IFFO1: variants seen among roughly 807,000 people sequenced by gnomAD.
IFFO1 encodes the protein intermediate filament family orphan 1.
In IFFO1, 42 loss-of-function variants were observed where a neutral mutation model predicts 59.6. The ratio of observed to expected loss-of-function variants is 0.70; its 90% CI spans 0.55 to 0.91. The LOEUF is 0.91. IFFO1 is among the 40% of genes least tolerant of loss of function. IFFO1 has a pLI of 0.00. For missense variants in IFFO1, 711 were observed against 793.2 expected, an observed-to-expected ratio of 0.90 and a Z score of 1.24; for synonymous variants, 336 against 342.8, an observed-to-expected ratio of 0.98 and a Z score of 0.22.
Position 6,540,534 on chromosome 12 carries a change from G to C in IFFO1, c.1665C>G (p.Ser555Arg), listed in dbSNP as rs1277826801. 2 of 1,613,916 alleles carry C rather than the reference G, an allele frequency of 1.2e-6. No homozygotes were observed. The highest frequency in any genetic ancestry group is 1.7e-6 in the Non-Finnish European group (2 of 1,180,044). Residue 555 changes from serine to arginine, a missense_variant, in exon 10 of 10, where the codon AGC becomes AGG. Transcript: ENST00000619571. ...CATCGCGATCGGAGTCCTCAGCCTC[G>C]CTTGGCGGCGGCGGCGGGTCGCTAA... The part of the protein sequence containing the change: ...VPLSDPPPPP[S>R]EAEDSDRDVS...
rs1946727892 is a variant in IFFO1, at chr12:6,541,756, C to T, written c.1480-114G>A. Reference sequence around the variant, plus strand: ...GCAGTGGCTGGGCCGGGGGCCCAGGCAGCCATTACTGAAGGCTCAGATTTT... The same window carrying T: ...GCAGTGGCTGGGCCGGGGGCCCAGGTAGCCATTACTGAAGGCTCAGATTTT... On this transcript the variant is annotated intron_variant, in intron 8 of 9. Transcript: ENST00000619571. This position sits in a 1 kb window ranked among gnomAD's most constrained non-coding sequence, Gnocchi z 4.8. 2 of 1,304,928 alleles carry T rather than the reference C, an allele frequency of 1.5e-6. No individual in the cohort carries two copies. Among genetic ancestry groups the T allele is most frequent in the Admixed American group, 2.0e-5 (1 of 51,222 alleles). 80.8% of individuals were successfully genotyped at this position (1,304,928 alleles called of 1,614,324 possible).
In IFFO1 at chr12:6,545,830, G is replaced by A. The variant is rs140523176; in HGVS notation, c.1479+2235C>T. 6.4e-3 allele frequency among the ~76,000 whole-genome samples: 974 copies of A among 152,268 alleles called. 14 individuals are homozygous for A. Among genetic ancestry groups the A allele is most frequent in the African/African-American group, 0.021 (888 of 41,542 alleles). On this transcript the variant is annotated intron_variant, in intron 8 of 9. Transcript: ENST00000619571. ...CATCTCAGTGATGAGATTGACTGTC[G>A]TGGTATGGCAGTGCCCGTGTTCAAG... is the stretch of plus-strand genomic sequence containing the variant.
chr12:6,548,620 T>A lies in IFFO1; in HGVS notation c.1262+48A>T, dbSNP rs1237626521. On this transcript the variant is annotated intron_variant, in intron 6 of 9. Coordinates refer to ENST00000619571, the MANE Select transcript of IFFO1 (RefSeq NM_001193457.2). This position sits in a 1 kb window ranked among gnomAD's most constrained non-coding sequence, Gnocchi z 6.1. ...GGGGGACTGGGGAGCTCCGGCCTCCTGGGCTGCTGTGGCGTCGGTGCTGCG... is the reference window on the plus strand; with the variant it reads ...GGGGGACTGGGGAGCTCCGGCCTCCAGGGCTGCTGTGGCGTCGGTGCTGCG... 6.2e-7 allele frequency: 1 copy of A among 1,613,674 alleles called. No homozygotes were observed. The highest frequency in any genetic ancestry group is 1.7e-5 in the Admixed American group (1 of 59,998).
At chr12:6,544,702 A>C (rs1946872573) in intron 8 of IFFO1, 1 of 152,232 alleles carries the variant, frequency 6.6e-6, no homozygotes, top group Non-Finnish European at 1.5e-5. Context: ...AGGCAGGAGG[A>C]GGAAACAGTG....
At chr12:6,544,450 A>G (rs1488127266) in intron 8 of IFFO1, among the ~76,000 whole-genome samples, 1 of 152,164 alleles carries the variant, frequency 6.6e-6, no homozygotes, top group Non-Finnish European at 1.5e-5. Context: ...ATTACAGGCG[A>G]GAGCCACCAC....
In IFFO1 at chr12:6,551,331, C is replaced by A. The variant is rs970096753; in HGVS notation, c.774-330G>T. The A allele has an allele frequency of 1.1e-5, 10 of 948,472 alleles. No individual in the cohort carries two copies. In the African/African-American group the frequency reaches 1.7e-4, roughly 16 times the overall value. The allele number at this position is 948,472 out of a possible 1,614,324, so 58.8% of individuals were successfully genotyped here. A position where few individuals can be genotyped will look rare whatever the true frequency, so the allele number is the denominator to read the frequency against. The stretch of plus-strand genomic sequence containing the variant: ...TCAGGCCCCAGCTCAGCCAGCTGTC[C>A]GGCTGGCCTCATTGCCCACCTCCTG... On this transcript the variant is annotated intron_variant, in intron 1 of 9. Coordinates refer to ENST00000619571, the MANE Select transcript of IFFO1 (RefSeq NM_001193457.2).
rs867397656 is a variant in IFFO1, at chr12:6,550,681, G to A, written c.930+14C>T. 6.2e-7 allele frequency: 1 copy of A among 1,608,874 alleles called. No individual in the cohort carries two copies. The highest frequency in any genetic ancestry group is 1.1e-5 in the South Asian group (1 of 90,928). ...CCTCACTTCGACCCTCGGGAAGCCT[G>A]GGGCTGCACTCACGTTACTCATGAG... On this transcript the variant is annotated intron_variant, in intron 3 of 9. Coordinates refer to ENST00000619571, the MANE Select transcript of IFFO1 (RefSeq NM_001193457.2).
At chr12:6,551,269 T>C (rs1327151291) in intron 1 of IFFO1, 6 of 627,294 alleles carry the variant, frequency 9.6e-6, no homozygotes, top group Non-Finnish European at 1.1e-5. Flanking sequence ...TTTGGGCAAG[T>C]GCTGAGGCTC....
At chr12:6,544,838 T>C (rs1256165705) in intron 8 of IFFO1, 2 of 152,204 alleles carry the variant, frequency 1.3e-5, no homozygotes. Flanking sequence ...AGCAGGACAG[T>C]TTGATGTGTG....
Position 6,541,529 on chromosome 12 carries a change from G to A in IFFO1, c.1593C>T (p.Ile531=), listed in dbSNP as rs149366026. The A allele has an allele frequency of 3.5e-5, 57 of 1,614,024 alleles. No individual in the cohort carries two copies. The African/African-American group carries it at 6.7e-4, about 19-fold the overall frequency. The change falls in exon 9 of 10, where the codon ATC becomes ATT. Residue 531 remains isoleucine, a synonymous_variant. Transcript: ENST00000619571. The surrounding 1 kb of genome is among the most constrained non-coding windows in gnomAD (Gnocchi z 4.8). The part of the protein sequence containing the change: ...DVQMETCRRL[I]TQSGDRKSPA... ...GCGCCTACCGGTCTCCAGACTGGGTGATGAGCCGGCGGCAGGTCTCCATCT... is the reference window on the plus strand; with the variant it reads ...GCGCCTACCGGTCTCCAGACTGGGTAATGAGCCGGCGGCAGGTCTCCATCT...
At chr12:6,550,906 G>A (rs770658500) in intron 2 of IFFO1, 35 bp downstream of exon 2, 2 of 1,612,710 alleles carry the variant, frequency 1.2e-6, no homozygotes, top group Non-Finnish European at 1.7e-6. Context: ...GGGTACCCAG[G>A]GAAGCACCAG....
intron 8 of IFFO1, among the ~76,000 whole-genome samples, chr12:6,544,165 C>CTTT (rs531995265): frequency 0.28 from 37,791 of 136,266 alleles, 5,348 homozygotes; most frequent in East Asian, 0.48. Context: ...TTTGAAAATA[C>CTTT]TTTTTTTTTT....
Position 6,549,949 on chromosome 12 carries a change from G to C in IFFO1, c.931-53C>G. 2.5e-6 allele frequency: 4 copies of C among 1,571,880 alleles called. No homozygotes were observed. The highest frequency in any genetic ancestry group is 3.5e-6 in the Non-Finnish European group (4 of 1,155,020). On this transcript the variant is annotated intron_variant, in intron 3 of 9. Transcript: ENST00000619571. The surrounding 1 kb of genome is among the most constrained non-coding windows in gnomAD (Gnocchi z 5.0). ...GGAGGCGCCCAGTTCTCCAGACAAG[G>C]ACGAATTAGGCCTGGCAAGGTCCTC...
At position 6,540,287 on chromosome 12, in the gene IFFO1, C is replaced by G. The variant is rs1234304804; in HGVS notation, c.*196G>C. ...TGGAAATGGCCCCAGAATGGTAGGG[C>G]CAAGCCTAGCTCCAGACACCCCAGA... On this transcript the variant is annotated 3_prime_UTR_variant, in exon 10 of 10. Coordinates refer to ENST00000619571, the MANE Select transcript of IFFO1 (RefSeq NM_001193457.2). The G allele has an allele frequency of 6.7e-6, 4 of 598,986 alleles. No individual in the cohort carries two copies. Among genetic ancestry groups the G allele is most frequent in the Non-Finnish European group, 1.2e-5 (4 of 336,304 alleles). 37.1% of individuals were successfully genotyped at this position (598,986 alleles called of 1,614,324 possible).
In IFFO1 at chr12:6,555,565, C is replaced by T; in HGVS notation, c.465G>A (p.Val155=). The change falls in exon 1 of 10, where the codon GTG becomes GTA. Residue 155 remains valine, a synonymous_variant. Transcript: ENST00000619571. This position sits in a 1 kb window ranked among gnomAD's most constrained non-coding sequence, Gnocchi z 8.6. The stretch of plus-strand genomic sequence containing the variant: ...CCGGGGAGCGCGCGGGCGAGCCCAG[C>T]ACGCGCGCCGAAGGGCTGCAGACAG... The part of the protein sequence containing the change: ...PAAVCSPSAR[V]LGSPARSPAG... 1 of 1,467,770 alleles carries T rather than the reference C, an allele frequency of 6.8e-7. No homozygotes were observed. 90.9% of individuals were successfully genotyped at this position (1,467,770 alleles called of 1,614,324 possible).
chr12:6,548,074 G>C lies in IFFO1; in HGVS notation c.1470C>G (p.Asp490Glu), dbSNP rs750011287. The change falls in exon 8 of 10, where the codon GAC becomes GAG. Residue 490 changes from aspartate to glutamate, a missense_variant. Asp to Glu is a conservative substitution (Grantham distance 45). This residue lies in a region of IFFO1 where 579 missense variants were observed against 650.3 expected (regional missense o/e 0.89). Coordinates refer to ENST00000619571, the MANE Select transcript of IFFO1 (RefSeq NM_001193457.2). This position sits in a 1 kb window ranked among gnomAD's most constrained non-coding sequence, Gnocchi z 6.1. ...CCGCTCCTGCCCTTACCTCTATCTGGTCAATGGTCTCCTGATACTCCTTCT... is the reference window on the plus strand; with the variant it reads ...CCGCTCCTGCCCTTACCTCTATCTGCTCAATGGTCTCCTGATACTCCTTCT... ...TREKEYQETIDQIELELATAK... is the reference protein window; with the variant it reads ...TREKEYQETIEQIELELATAK... 3 of 1,613,114 alleles carry C rather than the reference G, an allele frequency of 1.9e-6. No individual in the cohort carries two copies. Among genetic ancestry groups the C allele is most frequent in the Non-Finnish European group, 2.5e-6 (3 of 1,179,130 alleles).
Position 6,548,953 on chromosome 12 carries a change from C to A in IFFO1, c.1081-104G>T. 1 of 925,538 alleles carries A rather than the reference C, an allele frequency of 1.1e-6. No homozygotes were observed. The highest frequency in any genetic ancestry group is 1.6e-6 in the Non-Finnish European group (1 of 618,328). 57.3% of individuals were successfully genotyped at this position (925,538 alleles called of 1,614,324 possible). ...AGCATGAACCAGTAGGAAGGGGGGG[C>A]AGACAGAGAGAAAAGTCACAGTTAC... On this transcript the variant is annotated intron_variant, in intron 5 of 9. Transcript: ENST00000619571. The surrounding 1 kb of genome is among the most constrained non-coding windows in gnomAD (Gnocchi z 6.1).
rs774264587 is a variant in IFFO1, at chr12:6,541,650, G to GGGGC, written c.1480-12_1480-9dup. 1.4e-5 allele frequency: 22 copies of GGGGC among 1,613,776 alleles called. No homozygotes were observed. Among genetic ancestry groups the GGGGC allele is most frequent in the Admixed American group, 8.3e-5 (5 of 60,002 alleles). On this transcript the variant is annotated splice_polypyrimidine_tract_variant and intron_variant, in intron 8 of 9. Coordinates refer to ENST00000619571, the MANE Select transcript of IFFO1 (RefSeq NM_001193457.2). The surrounding 1 kb of genome is among the most constrained non-coding windows in gnomAD (Gnocchi z 4.8). ...GGCCGTGGCCAACTCCAGCTGTGGTGGGGCAGGCAGGGCCATCGGGGTTAA... is the reference window on the plus strand; with the variant it reads ...GGCCGTGGCCAACTCCAGCTGTGGTGGGGCGGGCAGGCAGGGCCATCGGGGTTAA...
At position 6,540,190 on chromosome 12, in the gene IFFO1, G is replaced by A. The variant is rs1592194836; in HGVS notation, c.*293C>T. ...GTGGACAAGGTGAGGGGCCGCAATC[G>A]CTCTGGCAGCATTTTAAAGATGGGG... On this transcript the variant is annotated 3_prime_UTR_variant, in exon 10 of 10. Coordinates refer to ENST00000619571, the MANE Select transcript of IFFO1 (RefSeq NM_001193457.2). The A allele has an allele frequency of 9.9e-6, 5 of 505,462 alleles. No homozygotes were observed. The highest frequency in any genetic ancestry group is 3.7e-5 in the East Asian group (1 of 27,380). 31.3% of individuals were successfully genotyped at this position (505,462 alleles called of 1,614,324 possible).
Sources: gnomAD v4.1 joint callset for allele counts (sites outside exome capture counted in the v4.1 genomes callset) on GRCh38, gnomAD v4.1.1 for gene constraint, gnomAD v4.1.1 regional missense constraint, Gnocchi (gnomAD v3.1) non-coding constraint, MANE v1.5 for transcripts, NCBI Gene and HGNC (gene_info 2026-07-23, HGNC 2026-07-21) for gene names.